Variants in RGS7BP observed in about 807,000 individuals in gnomAD.
RGS7BP encodes the protein regulator of G protein signaling 7 binding protein, also known as regulator of G protein signaling 7-binding protein.
Under a neutral mutation model 31.3 loss-of-function variants are expected in RGS7BP, and 9 were observed. The ratio of observed to expected loss-of-function variants is 0.29; its 90% CI spans 0.17 to 0.50. The LOEUF is 0.50. Among genes scored for constraint, RGS7BP ranks in the 20% least tolerant of loss-of-function variants. The pLI, the probability that RGS7BP is intolerant of heterozygous loss-of-function variation, is 0.98. For missense variants in RGS7BP, 274 were observed against 322.0 expected, an observed-to-expected ratio of 0.85 and a Z score of 1.14; for synonymous variants, 115 against 120.1, an observed-to-expected ratio of 0.96 and a Z score of 0.28.
At chr5:64,573,456 T>C (rs1742346958) in intron 2 of RGS7BP, 1 of 152,154 alleles carries the variant, frequency 6.6e-6, no homozygotes, top group African/African-American at 2.4e-5. Context: ...ATAAGAATGT[T>C]CCATGGCTTG....
At chr5:64,585,779 T>C (rs1742732182) in intron 3 of RGS7BP, among the ~76,000 whole-genome samples, 1 of 152,154 alleles carries the variant, frequency 6.6e-6, no homozygotes, top group South Asian at 2.1e-4. Flanking sequence ...AAGCTAAAAA[T>C]ACATAGAAAT....
At chr5:64,538,546 C>CTTTTTTTTTTTTTTTTTCTTTTT (rs1741443178) in intron 2 of RGS7BP, among the ~76,000 whole-genome samples, 1 of 40,022 alleles carries the variant, frequency 2.5e-5, no homozygotes, top group Non-Finnish European at 4.2e-5. Context: ...TTTTCCTTTT[C>CTTTTTTTTTTTTTTTTTCTTTTT]TTTTTTTTTT....
intron 3 of RGS7BP, among the ~76,000 whole-genome samples, chr5:64,593,573 CA>C (rs556038120): frequency 6.6e-6 from 1 of 152,084 alleles, no homozygotes; most frequent in African/African-American, 2.4e-5. Flanking sequence ...ATAAAGGAGG[CA>C]AAAACACTAT....
At chr5:64,558,173 C>T (rs1741970844) in intron 2 of RGS7BP, among the ~76,000 whole-genome samples, 1 of 151,230 alleles carries the variant, frequency 6.6e-6, no homozygotes, top group Admixed American at 6.6e-5. Context: ...TTTGGATCTA[C>T]TTACTAAGAT....
intron 2 of RGS7BP, among the ~76,000 whole-genome samples, chr5:64,549,988 C>T (rs1289385568): frequency 6.6e-6 from 1 of 152,168 alleles, no homozygotes; most frequent in Non-Finnish European, 1.5e-5. Flanking sequence ...AACAGTTCAG[C>T]CAAGTTTTTT....
Position 64,609,523 on chromosome 5 carries a change from T to A in RGS7BP, c.*271T>A, listed in dbSNP as rs10939996. 0.17 allele frequency: 71,467 copies of A among 408,684 alleles called. 6,768 individuals are homozygous for A. Among genetic ancestry groups the A allele is most frequent in the Admixed American group, 0.24 (6,390 of 27,118 alleles). The allele number at this position is 408,684 out of a possible 1,614,324, so 25.3% of individuals were successfully genotyped here. On this transcript the variant is annotated 3_prime_UTR_variant, in exon 6 of 6. Transcript: ENST00000334025. ...TGCATGTCTGCTCCAAACCACGCCATGACAGATGCAAGAATTATGATTTTT... is the reference window on the plus strand; with the variant it reads ...TGCATGTCTGCTCCAAACCACGCCAAGACAGATGCAAGAATTATGATTTTT...
intron 3 of RGS7BP, among the ~76,000 whole-genome samples, chr5:64,577,608 CT>C (rs1265686755): frequency 6.6e-6 from 1 of 152,084 alleles, no homozygotes; most frequent in Non-Finnish European, 1.5e-5. Context: ...GGGTTTCCAT[CT>C]TTACTTCTGT....
rs1748734392 is a variant in RGS7BP at position 64,507,728 on chromosome 5, C to T, written c.183C>T (p.Asn61=). The change falls in exon 2 of 6, where the codon AAC becomes AAT. Residue 61 remains asparagine, a synonymous_variant. Transcript: ENST00000334025. The part of the protein sequence containing the change: ...DDCKMLVQEF[N]TQVALYRELV... The stretch of plus-strand genomic sequence containing the variant: ...TTTTCCAGCTTGTCCAAGAGTTCAA[C>T]ACACAAGTGGCCCTGTACCGAGAGC... 1 of 1,584,474 alleles carries T rather than the reference C, an allele frequency of 6.3e-7. No homozygotes were observed. Among genetic ancestry groups the T allele is most frequent in the Non-Finnish European group, 8.6e-7 (1 of 1,167,342 alleles).
At chr5:64,576,964 T>C (rs1261671050) in intron 3 of RGS7BP, among the ~76,000 whole-genome samples, 2 of 152,202 alleles carry the variant, frequency 1.3e-5, no homozygotes, top group East Asian at 3.9e-4. Flanking sequence ...AATTCAGAGA[T>C]AGAAAAGGCC....
intron 3 of RGS7BP, among the ~76,000 whole-genome samples, chr5:64,581,926 G>C (rs78325902): frequency 6.6e-6 from 1 of 152,126 alleles, no homozygotes; most frequent in Non-Finnish European, 1.5e-5. Context: ...GTACAGTAAC[G>C]TGAGGTAAAA....
intron 2 of RGS7BP, among the ~76,000 whole-genome samples, chr5:64,538,689 C>T (rs1437669430): frequency 2.0e-5 from 3 of 150,752 alleles, no homozygotes; most frequent in African/African-American, 7.3e-5. Flanking sequence ...CCTGCGTAGC[C>T]GGGATTACAG....
intron 2 of RGS7BP, among the ~76,000 whole-genome samples, chr5:64,559,005 A>G (rs954492978): frequency 6.6e-6 from 1 of 152,188 alleles, no homozygotes; most frequent in Non-Finnish European, 1.5e-5. Flanking sequence ...ACAGCGGGAC[A>G]CGGAACTTCA....
intron 2 of RGS7BP, among the ~76,000 whole-genome samples, chr5:64,563,976 T>A (rs1351972084): frequency 6.6e-6 from 1 of 152,156 alleles, no homozygotes; most frequent in African/African-American, 2.4e-5. Flanking sequence ...GAGAAGTCCA[T>A]CAATGCACTT....
At chr5:64,592,358 G>C (rs576877079) in intron 3 of RGS7BP, among the ~76,000 whole-genome samples, 1 of 152,112 alleles carries the variant, frequency 6.6e-6, no homozygotes, top group Non-Finnish European at 1.5e-5. Context: ...AATAGGAAAA[G>C]TAGGTTATTA....
chr5:64,600,978 G>A (rs1743202136), intron 5 of RGS7BP, among the ~76,000 whole-genome samples: 1 of 152,150 alleles, frequency 6.6e-6, no homozygotes, highest in Non-Finnish European at 1.5e-5. Context: ...ATAGACCATA[G>A]AGGCTTCCCC....
intron 5 of RGS7BP, among the ~76,000 whole-genome samples, chr5:64,607,422 C>T (rs1743391865): frequency 1.3e-5 from 2 of 152,072 alleles, no homozygotes; most frequent in South Asian, 4.2e-4. Context: ...AGACATTAAT[C>T]GATACACATA....
In RGS7BP at chr5:64,512,564, AG is replaced by A. The variant is rs77643043; in HGVS notation, c.332+4689del. Among the ~76,000 whole-genome samples, 15 of 152,350 alleles carry A rather than the reference AG, an allele frequency of 9.8e-5. No homozygotes were observed. In the East Asian group the frequency reaches 2.7e-3, roughly 27 times the overall value. ...TGGGACCAGAGTATATGGCATTGTG[AG>A]GATCAAGTACTTAGGAGACCGCAAG... is the stretch of plus-strand genomic sequence containing the variant. On this transcript the variant is annotated intron_variant, in intron 2 of 5. Coordinates refer to ENST00000334025, the MANE Select transcript of RGS7BP (RefSeq NM_001029875.3).
intron 2 of RGS7BP, among the ~76,000 whole-genome samples, chr5:64,516,210 C>G (rs920333154): frequency 2.6e-5 from 4 of 152,174 alleles, no homozygotes; most frequent in Non-Finnish European, 5.9e-5. Flanking sequence ...TAAACTACAC[C>G]AATCTGAGTT....
intron 2 of RGS7BP, among the ~76,000 whole-genome samples, chr5:64,564,358 G>C (rs577019723): frequency 6.6e-6 from 1 of 152,130 alleles, no homozygotes; most frequent in East Asian, 1.9e-4. Flanking sequence ...TATGCTTCTT[G>C]GTTAAGTGAT....
Sources: allele counts gnomAD v4.1 joint callset (sites outside exome capture counted in the v4.1 genomes callset), GRCh38; gene constraint gnomAD v4.1.1; transcripts MANE v1.5; gene names NCBI Gene and HGNC (gene_info 2026-07-23, HGNC 2026-07-21).